Variants in TMEM163 observed in about 807,000 individuals in gnomAD.
TMEM163 encodes the protein transmembrane protein 163.
A neutral mutation model predicts 29.3 loss-of-function variants in TMEM163; 17 were observed. The observed-to-expected ratio is 0.58, with a 90% CI of 0.40 to 0.87. The LOEUF is 0.87. Among genes scored for constraint, TMEM163 ranks in the 40% least tolerant of loss-of-function variants. TMEM163 has a pLI of 0.00. For missense variants in TMEM163, 303 were observed against 381.5 expected, an observed-to-expected ratio of 0.79 and a Z score of 1.71; for synonymous variants, 157 against 160.6, an observed-to-expected ratio of 0.98 and a Z score of 0.17.
chr2:134,551,725 G>A (rs1009755820), intron 3 of TMEM163, among the ~76,000 whole-genome samples: 7 of 152,162 alleles, frequency 4.6e-5, no homozygotes, highest in Non-Finnish European at 8.8e-5. Context: ...GCCTACACCA[G>A]AAAATGCTTT....
intron 2 of TMEM163, among the ~76,000 whole-genome samples, chr2:134,636,948 A>G (rs1683117682): frequency 6.6e-6 from 1 of 152,176 alleles, no homozygotes; most frequent in Non-Finnish European, 1.5e-5. Flanking sequence ...CCAACCAACC[A>G]GCACTTCTGA....
rs138382907 is a variant in TMEM163, at chr2:134,676,797, T to C, written c.322+36403A>G. 4.6e-3 allele frequency among the ~76,000 whole-genome samples: 699 copies of C among 152,286 alleles called. 7 individuals carry two copies. Among genetic ancestry groups the C allele is most frequent in the African/African-American group, 0.016 (675 of 41,554 alleles). On this transcript the variant is annotated intron_variant, in intron 2 of 7. Transcript: ENST00000281924. ...CATAAATGGAATCAATATCATACAA[T>C]ATCATACATATACATCTAAACATAA... is the stretch of plus-strand genomic sequence containing the variant.
chr2:134,712,857 A>G (rs1341533692), intron 2 of TMEM163, among the ~76,000 whole-genome samples: 1 of 152,168 alleles, frequency 6.6e-6, no homozygotes, highest in Non-Finnish European at 1.5e-5. Context: ...GGCTGAAAAT[A>G]AGAATCTTAA....
In TMEM163 at chr2:134,658,286, G is replaced by A. The variant is rs1480794367; in HGVS notation, c.322+54914C>T. 2.0e-5 allele frequency among the ~76,000 whole-genome samples: 3 copies of A among 152,082 alleles called. No individual in the cohort carries two copies. The East Asian group carries it at 5.8e-4, about 29-fold the overall frequency. ...ACTGTTCCGATTTAACAGCTCAAAG[G>A]TCACAAAAACCTAGCTCTGAATTCA... On this transcript the variant is annotated intron_variant, in intron 2 of 7. Transcript: ENST00000281924.
chr2:134,612,271 T>C (rs1327080155), intron 2 of TMEM163, among the ~76,000 whole-genome samples: 1 of 152,184 alleles, frequency 6.6e-6, no homozygotes, highest in East Asian at 1.9e-4. Context: ...TTGTTTGACA[T>C]CACAGCTGCC....
chr2:134,705,183 C>T (rs914838537), intron 2 of TMEM163, among the ~76,000 whole-genome samples: 1 of 150,964 alleles, frequency 6.6e-6, no homozygotes, highest in Non-Finnish European at 1.5e-5. Context: ...GCACTCCAGC[C>T]TGGGCGACAG....
At chr2:134,624,738 G>A (rs892092512) in intron 2 of TMEM163, among the ~76,000 whole-genome samples, 1 of 151,882 alleles carries the variant, frequency 6.6e-6, no homozygotes, top group Non-Finnish European at 1.5e-5. Flanking sequence ...GCGAAACCCC[G>A]TCTGTACTAA....
chr2:134,526,043 C>G (rs1378730856), intron 4 of TMEM163, among the ~76,000 whole-genome samples: 5 of 152,130 alleles, frequency 3.3e-5, no homozygotes, highest in African/African-American at 1.2e-4. Flanking sequence ...TGGCTCAGGC[C>G]AGGCCTCGGG....
chr2:134,640,601 C>T (rs6709585), intron 2 of TMEM163, among the ~76,000 whole-genome samples: 2,282 of 152,186 alleles, frequency 0.015, 59 homozygotes, highest in African/African-American at 0.052. Flanking sequence ...CTCTATGAAC[C>T]GGGGAAATGC....
chr2:134,605,361 T>C (rs1386706298), intron 2 of TMEM163, among the ~76,000 whole-genome samples: 1 of 152,070 alleles, frequency 6.6e-6, no homozygotes, highest in Admixed American at 6.6e-5. Flanking sequence ...ATATTGCTAA[T>C]AATAGAGAAA....
intron 2 of TMEM163, among the ~76,000 whole-genome samples, chr2:134,633,995 ATATATATATATATATATATATATAT>A (rs1558971802): frequency 0.038 from 1,662 of 44,210 alleles, 77 homozygotes; most frequent in African/African-American, 0.062. Context: ...ATATATATAT[ATATATATATATATATATATATATAT>A]AATAGGACTG....
chr2:134,646,637 G>T (rs1360082649), intron 2 of TMEM163, among the ~76,000 whole-genome samples: 1 of 151,580 alleles, frequency 6.6e-6, no homozygotes, highest in African/African-American at 2.4e-5. Context: ...TAGAGATGGG[G>T]TTTCATAATG....
At chr2:134,504,789 C>T (rs191475874) in intron 4 of TMEM163, among the ~76,000 whole-genome samples, 8 of 152,272 alleles carry the variant, frequency 5.3e-5, no homozygotes, top group East Asian at 3.9e-4. Context: ...TGTGACAGTG[C>T]GCCTGGGGCT....
intron 5 of TMEM163, chr2:134,467,535 T>C (rs1686698172): frequency 6.6e-6 from 1 of 152,048 alleles, no homozygotes; most frequent in Non-Finnish European, 1.5e-5. Context: ...CGAAACAACA[T>C]CAAACAAACC....
chr2:134,537,043 G>C (rs1680557570), intron 4 of TMEM163, among the ~76,000 whole-genome samples: 1 of 152,158 alleles, frequency 6.6e-6, no homozygotes, highest in Non-Finnish European at 1.5e-5. Context: ...AAAATATGTT[G>C]CCCACAGGGA....
chr2:134,627,467 T>C (rs996200242), intron 2 of TMEM163, among the ~76,000 whole-genome samples: 2 of 152,174 alleles, frequency 1.3e-5, no homozygotes, highest in African/African-American at 4.8e-5. Flanking sequence ...GAACACTGAA[T>C]TGCAAATAAT....
At chr2:134,647,854 G>T (rs563125747) in intron 2 of TMEM163, among the ~76,000 whole-genome samples, 1 of 152,342 alleles carries the variant, frequency 6.6e-6, no homozygotes, top group East Asian at 1.9e-4. Flanking sequence ...GCCAGGGCAA[G>T]CGCTTTTGGA....
chr2:134,625,692 G>C (rs1682833930), intron 2 of TMEM163, among the ~76,000 whole-genome samples: 1 of 152,196 alleles, frequency 6.6e-6, no homozygotes. Flanking sequence ...ATACAGCATT[G>C]CCTATGTTAT....
chr2:134,456,648 A>C lies in TMEM163; in HGVS notation c.*68T>G. On this transcript the variant is annotated 3_prime_UTR_variant, in exon 8 of 8. Coordinates refer to ENST00000281924, the MANE Select transcript of TMEM163 (RefSeq NM_030923.5). ...CAAAAAGAAACCAGATGTTCAGTTA[A>C]ATATTGGCACCCTTTGCCTATGTGG... 1 of 1,563,216 alleles carries C rather than the reference A, an allele frequency of 6.4e-7. No homozygotes were observed. Among genetic ancestry groups the C allele is most frequent in the East Asian group, 2.3e-5 (1 of 44,294 alleles).
Sources: allele counts gnomAD v4.1 joint callset (sites outside exome capture counted in the v4.1 genomes callset), GRCh38; gene constraint gnomAD v4.1.1; transcripts MANE v1.5; gene names NCBI Gene and HGNC (gene_info 2026-07-23, HGNC 2026-07-21).